Variants in RAB11FIP4 observed in about 807,000 individuals in gnomAD.
The protein encoded by RAB11FIP4 is rab11 family-interacting protein 4.
RAB11FIP4 carries 23 observed loss-of-function variants against 74.3 expected under a neutral mutation model. The observed-to-expected ratio is 0.31, with a 90% confidence interval of 0.22 to 0.44. The LOEUF is 0.44. RAB11FIP4 is among the 20% of genes least tolerant of loss of function. The probability of loss-of-function intolerance (pLI) is 1.00; values close to 1 mark genes in which losing one functional copy is unlikely to be tolerated. For synonymous variants in RAB11FIP4, 360 were observed against 359.9 expected, an observed-to-expected ratio of 1.00 and a Z score of 0.00; for missense variants, 630 against 863.9, an observed-to-expected ratio of 0.73 and a Z score of 3.39.
chr17:31,465,091 A>G (rs1288696333), intron 3 of RAB11FIP4, among the ~76,000 whole-genome samples: 1 of 152,088 alleles, frequency 6.6e-6, no homozygotes, highest in African/African-American at 2.4e-5. Flanking sequence ...ACGGGCAGTC[A>G]GTGGAGACTA....
At chr17:31,406,765 A>T (rs1345688116) in intron 1 of RAB11FIP4, among the ~76,000 whole-genome samples, 1 of 152,104 alleles carries the variant, frequency 6.6e-6, no homozygotes, top group African/African-American at 2.4e-5. Flanking sequence ...TATATATTTC[A>T]GCACTGTTTG....
At chr17:31,463,245 G>C (rs2071649893) in intron 3 of RAB11FIP4, among the ~76,000 whole-genome samples, 1 of 152,132 alleles carries the variant, frequency 6.6e-6, no homozygotes, top group African/African-American at 2.4e-5. Context: ...CCTGGCACTT[G>C]GCAGCTGTGC....
intron 2 of RAB11FIP4, 30 bp downstream of exon 2, chr17:31,431,930 C>T (rs1042559078): frequency 1.4e-5 from 21 of 1,513,226 alleles, no homozygotes; most frequent in African/African-American, 1.1e-4. Flanking sequence ...CTTTCCCAGG[C>T]GCTCTCCGGT....
intron 13 of RAB11FIP4, 25 bp downstream of exon 13, chr17:31,528,803 A>G (rs756597622): frequency 4.4e-6 from 7 of 1,592,796 alleles, no homozygotes; most frequent in South Asian, 2.2e-5. Flanking sequence ...CTCTGTGTCC[A>G]GTGGGGCAGG....
At position 31,495,432 on chromosome 17, in the gene RAB11FIP4, C is replaced by T. The variant is rs77931553; in HGVS notation, c.337-22219C>T. 5.4e-3 allele frequency among the ~76,000 whole-genome samples: 771 copies of T among 144,046 alleles called. 4 individuals carry two copies. Among genetic ancestry groups the T allele is most frequent in the African/African-American group, 0.019 (722 of 38,412 alleles). 94.5% of individuals were successfully genotyped at this position (144,046 alleles called of 152,430 possible). A position where few individuals can be genotyped will look rare whatever the true frequency, so the allele number is the denominator to read the frequency against. On this transcript the variant is annotated intron_variant, in intron 3 of 14. Coordinates refer to ENST00000621161, the MANE Select transcript of RAB11FIP4 (RefSeq NM_032932.6). ...CATTTCTGCCCAGGCTAGAGTGCAG[C>T]GATACAATCTTGGCTCACTGTAGCC...
chr17:31,513,345 A>C (rs180812063), intron 3 of RAB11FIP4, among the ~76,000 whole-genome samples: 10 of 152,344 alleles, frequency 6.6e-5, no homozygotes, highest in Non-Finnish European at 1.5e-4. Context: ...ATTGGCCAAG[A>C]AGAGTCCTAG....
intron 1 of RAB11FIP4, among the ~76,000 whole-genome samples, chr17:31,426,508 G>A (rs2071250911): frequency 7.4e-6 from 1 of 135,084 alleles, no homozygotes; most frequent in Non-Finnish European, 1.5e-5. Flanking sequence ...AAAAATCACT[G>A]AGCCTGTGGT....
At chr17:31,392,069 TCC>T in intron 1 of RAB11FIP4, 58 bp downstream of exon 1, 1 of 847,648 alleles carries the variant, frequency 1.2e-6, no homozygotes, top group Non-Finnish European at 1.3e-6. Flanking sequence ...CCGCCGCCCC[TCC>T]CCCAGCTCCC....
chr17:31,505,466 A>C (rs1173527774), intron 3 of RAB11FIP4, among the ~76,000 whole-genome samples: 1 of 77,800 alleles, frequency 1.3e-5, no homozygotes, highest in Non-Finnish European at 2.6e-5. Flanking sequence ...ATTATAACAT[A>C]TAATAATAAT....
intron 3 of RAB11FIP4, among the ~76,000 whole-genome samples, chr17:31,457,854 C>G (rs1457147833): frequency 1.3e-5 from 2 of 152,142 alleles, no homozygotes; most frequent in Non-Finnish European, 2.9e-5. Context: ...CCTCTCTCTC[C>G]TTTTCCCCTC....
chr17:31,528,469 C>T lies in RAB11FIP4; in HGVS notation c.1420C>T (p.Leu474=), dbSNP rs1453231574. ...TSLRLKDEMD[L]YKRMMDKLRQ... ...CCTGCGGCTCAAAGATGAGATGGAC[C>T]TGTACAAGCGCATGATGGACAAGCT... The change falls in exon 12 of 15, where the codon CTG becomes TTG. Residue 474 remains leucine (L), a synonymous_variant. Coordinates refer to ENST00000621161, the MANE Select transcript of RAB11FIP4 (RefSeq NM_032932.6). The T allele has an allele frequency of 6.2e-7, 1 of 1,613,598 alleles. No homozygotes were observed. Among genetic ancestry groups the T allele is most frequent in the African/African-American group, 1.3e-5 (1 of 74,954 alleles).
At chr17:31,440,456 TC>T (rs2071397285) in intron 3 of RAB11FIP4, among the ~76,000 whole-genome samples, 3 of 152,244 alleles carry the variant, frequency 2.0e-5, no homozygotes, top group Non-Finnish European at 4.4e-5. Context: ...GGAAAGGCTC[TC>T]TCATCCTTCT....
At chr17:31,430,059 TG>T (rs1188838081) in intron 1 of RAB11FIP4, among the ~76,000 whole-genome samples, 15 of 152,072 alleles carry the variant, frequency 9.9e-5, no homozygotes, top group African/African-American at 3.6e-4. Context: ...GGGTGGGCCC[TG>T]ATTGGATGGG....
chr17:31,462,957 T>G (rs1362816454), intron 3 of RAB11FIP4, among the ~76,000 whole-genome samples: 1 of 152,066 alleles, frequency 6.6e-6, no homozygotes, highest in African/African-American at 2.4e-5. Flanking sequence ...TCTTGAAAAT[T>G]CTCCCTCCTG....
chr17:31,406,410 G>A lies in RAB11FIP4; in HGVS notation c.159+14399G>A, dbSNP rs575095202. Among the ~76,000 whole-genome samples the A allele has an allele frequency of 3.3e-5, 5 of 152,292 alleles. No individual in the cohort carries two copies. In the South Asian group the frequency reaches 1.0e-3, roughly 32 times the overall value. On this transcript the variant is annotated intron_variant, in intron 1 of 14. Coordinates refer to ENST00000621161, the MANE Select transcript of RAB11FIP4 (RefSeq NM_032932.6). Reference sequence around the variant, plus strand: ...TGTCTGCTCATTTGTCTGGCCAGAGGCACTGGCTTTGGGCTTCTGGTCACC... The same window carrying A: ...TGTCTGCTCATTTGTCTGGCCAGAGACACTGGCTTTGGGCTTCTGGTCACC...
intron 1 of RAB11FIP4, among the ~76,000 whole-genome samples, chr17:31,407,222 A>AT (rs2071051823): frequency 6.6e-6 from 1 of 151,176 alleles, no homozygotes. Context: ...ATTTATTTTT[A>AT]TTTTTTGTAG....
At chr17:31,421,892 A>G (rs1197030876) in intron 1 of RAB11FIP4, among the ~76,000 whole-genome samples, 2 of 151,924 alleles carry the variant, frequency 1.3e-5, no homozygotes, top group African/African-American at 4.8e-5. Flanking sequence ...GTTTTTAAAA[A>G]TTTGTTGCCA....
At chr17:31,420,200 C>CA (rs2071185775) in intron 1 of RAB11FIP4, among the ~76,000 whole-genome samples, 1 of 151,866 alleles carries the variant, frequency 6.6e-6, no homozygotes, top group Admixed American at 6.6e-5. Flanking sequence ...CCTTATTAGC[C>CA]TTTTAAAGGA....
intron 3 of RAB11FIP4, chr17:31,488,241 G>C (rs1013783094): frequency 1.7e-6 from 2 of 1,159,522 alleles, no homozygotes; most frequent in African/African-American, 3.2e-5. Context: ...AGCGGCCCGC[G>C]GATGCGCACC....
Sources: allele counts gnomAD v4.1 joint callset (sites outside exome capture counted in the v4.1 genomes callset), GRCh38; gene constraint gnomAD v4.1.1; transcripts MANE v1.5; gene names NCBI Gene and HGNC (gene_info 2026-07-23, HGNC 2026-07-21).